Variants in RAD54L observed in about 807,000 individuals in gnomAD.
RAD54L encodes RAD54 like, also known as DNA repair and recombination protein RAD54-like.
RAD54L carries 74 observed loss-of-function variants against 91.6 expected under a neutral mutation model. The observed-to-expected ratio is 0.81, with a 90% CI of 0.67 to 0.98. RAD54L has a LOEUF of 0.98. Ranked by LOEUF, RAD54L falls within the 50% of genes least tolerant of loss-of-function variation. RAD54L has a pLI of 0.00. For missense variants in RAD54L, 887 were observed against 945.7 expected (o/e 0.94, Z 0.81); for synonymous variants, 304 against 349.7 (o/e 0.87, Z 1.46).
intron 4 of RAD54L, among the ~76,000 whole-genome samples, chr1:46,259,324 G>T (rs1271803671): frequency 6.6e-6 from 1 of 152,162 alleles, no homozygotes; most frequent in Non-Finnish European, 1.5e-5. Flanking sequence ...GCTGTGGCCA[G>T]CTCTCAGGAG....
chr1:46,273,882 A>G (rs1279566924), intron 14 of RAD54L, 135 bp downstream of exon 14: 7 of 1,316,192 alleles, frequency 5.3e-6, no homozygotes, highest in South Asian at 1.3e-5. Flanking sequence ...CCTTATTGCT[A>G]TGATGGCCTC....
rs111561576 is a variant in RAD54L at position 46,257,099 on chromosome 1, G to A, written c.211-1587G>A. Among the ~76,000 whole-genome samples, 1,026 of 143,454 alleles carry A rather than the reference G, an allele frequency of 7.2e-3. 17 individuals are homozygous for A. Among genetic ancestry groups the A allele is most frequent in the Middle Eastern group, 0.037 (10 of 270 alleles). 94.1% of individuals were successfully genotyped at this position (143,454 alleles called of 152,430 possible). A position where few individuals can be genotyped will look rare whatever the true frequency, so the allele number is the denominator to read the frequency against. The stretch of plus-strand genomic sequence containing the variant: ...GTGGAGGTTGCAGTGAGCTGAGATT[G>A]TGCCATTGCACTCCAGCCTGGGCAA... On this transcript the variant is annotated intron_variant, in intron 3 of 17. Coordinates refer to ENST00000371975, the MANE Select transcript of RAD54L (RefSeq NM_003579.4).
At chr1:46,268,566 C>T (rs1237317724) in intron 9 of RAD54L, among the ~76,000 whole-genome samples, 1 of 152,224 alleles carries the variant, frequency 6.6e-6, no homozygotes, top group Non-Finnish European at 1.5e-5. Flanking sequence ...GTCCCGGCAG[C>T]AAACTCCTTC....
intron 3 of RAD54L, among the ~76,000 whole-genome samples, chr1:46,256,270 G>C (rs575297246): frequency 1.3e-5 from 2 of 151,858 alleles, no homozygotes; most frequent in African/African-American, 4.8e-5. Flanking sequence ...TGTGTGGGGG[G>C]GTCTCACTAC....
intron 10 of RAD54L, among the ~76,000 whole-genome samples, chr1:46,271,879 A>G (rs529032987): frequency 3.3e-5 from 5 of 152,204 alleles, no homozygotes; most frequent in Admixed American, 1.3e-4. Context: ...TCCTGTATCA[A>G]TGGGAAGCCT....
chr1:46,277,610 T>A (rs1660650522), intron 16 of RAD54L: 1 of 624,466 alleles, frequency 1.6e-6, no homozygotes, highest in South Asian at 1.9e-5. Flanking sequence ...GTAGCCTGGG[T>A]GGGCAGACTA....
intron 9 of RAD54L, among the ~76,000 whole-genome samples, chr1:46,268,561 G>A (rs919671637): frequency 2.0e-5 from 3 of 151,940 alleles, no homozygotes; most frequent in South Asian, 4.2e-4. Flanking sequence ...CTTTTGTCCC[G>A]GCAGCAAACT....
At position 46,260,623 on chromosome 1, in the gene RAD54L, T is replaced by C. The variant is rs1660084068; in HGVS notation, c.477+12T>C. 6.2e-7 allele frequency: 1 copy of C among 1,613,426 alleles called. No individual in the cohort carries two copies. Among genetic ancestry groups the C allele is most frequent in the African/African-American group, 1.3e-5 (1 of 74,750 alleles). On this transcript the variant is annotated intron_variant, in intron 6 of 17. Coordinates refer to ENST00000371975, the MANE Select transcript of RAD54L (RefSeq NM_003579.4). ...CTCATCAGAGAGAGGTAAATGAGGG[T>C]GAGGGGAACGAGGTATGGGCTATGG...
intron 15 of RAD54L, 138 bp downstream of exon 15, chr1:46,274,354 G>GTGA (rs1196656819): frequency 3.9e-6 from 5 of 1,271,012 alleles, no homozygotes; most frequent in Non-Finnish European, 5.7e-6. Context: ...TGTCTGGTTG[G>GTGA]TGATGGCTGG....
chr1:46,248,271 T>C lies in RAD54L; in HGVS notation c.-135T>C. 8.6e-7 allele frequency: 1 copy of C among 1,162,204 alleles called. No homozygotes were observed. The highest frequency in any genetic ancestry group is 1.3e-6 in the Non-Finnish European group (1 of 789,276). The allele number at this position is 1,162,204 out of a possible 1,614,324, so 72.0% of individuals were successfully genotyped here. ...ATGGATTCCCGCCATCCATGCCCCC[T>C]CTTTAATTAGCCGGTCCTCTCAATA... is the stretch of plus-strand genomic sequence containing the variant. On this transcript the variant is annotated 5_prime_UTR_variant, in exon 1 of 18. Transcript: ENST00000371975.
chr1:46,276,402 C>T (rs142574023), intron 16 of RAD54L, among the ~76,000 whole-genome samples: 4 of 152,148 alleles, frequency 2.6e-5, no homozygotes, highest in South Asian at 2.1e-4. Flanking sequence ...TGGACTCAAG[C>T]GATCCACCTT....
chr1:46,261,204 G>GTTTTTTTTT, intron 7 of RAD54L, 57 bp from the exon 8 acceptor site: 1 of 1,340,988 alleles, frequency 7.5e-7, no homozygotes. Flanking sequence ...TGTTTTTTTT[G>GTTTTTTTTT]TTTTTTTTTT....
intron 11 of RAD54L, 61 bp from the exon 12 acceptor site, chr1:46,272,611 G>A (rs2148300320): frequency 6.2e-7 from 1 of 1,611,558 alleles, no homozygotes. Flanking sequence ...GGCTCTCAAG[G>A]TGTTCTCAGA....
chr1:46,248,335 C>T lies in RAD54L; in HGVS notation c.-71C>T, dbSNP rs1486852463. The T allele has an allele frequency of 1.3e-6, 2 of 1,592,758 alleles. No homozygotes were observed. Among genetic ancestry groups the T allele is most frequent in the Non-Finnish European group, 1.7e-6 (2 of 1,163,706 alleles). ...CTCTACAGATTAGACCCTGGTCCTA[C>T]ACTCTTAGCCGCTGCCTGCTTTTGA... is the stretch of plus-strand genomic sequence containing the variant. On this transcript the variant is annotated 5_prime_UTR_variant, in exon 1 of 18. Coordinates refer to ENST00000371975, the MANE Select transcript of RAD54L (RefSeq NM_003579.4).
At chr1:46,267,783 T>A (rs1326744768) in intron 9 of RAD54L, 174 bp downstream of exon 9, 4 of 887,432 alleles carry the variant, frequency 4.5e-6, no homozygotes, top group Non-Finnish European at 7.1e-6. Context: ...AGGCCTTGGA[T>A]CTGCTGAGCA....
chr1:46,249,268 A>C (rs1389757281), intron 2 of RAD54L, among the ~76,000 whole-genome samples: 1 of 152,180 alleles, frequency 6.6e-6, no homozygotes, highest in African/African-American at 2.4e-5. Flanking sequence ...CAGTGTGTGA[A>C]TAAGGTGTGG....
chr1:46,250,161 G>T, intron 3 of RAD54L, 42 bp downstream of exon 3: 1 of 1,612,910 alleles, frequency 6.2e-7, no homozygotes, highest in Non-Finnish European at 8.5e-7. Context: ...TCTGTGCCCA[G>T]TCACTCAGCC....
intron 16 of RAD54L, among the ~76,000 whole-genome samples, chr1:46,276,332 TTTC>T: frequency 6.6e-6 from 1 of 152,252 alleles, no homozygotes; most frequent in Non-Finnish European, 1.5e-5. Flanking sequence ...GATAACTTTT[TTTC>T]TTTATTTTTT....
chr1:46,251,214 A>G (rs771111648), intron 3 of RAD54L, among the ~76,000 whole-genome samples: 3 of 152,016 alleles, frequency 2.0e-5, no homozygotes, highest in East Asian at 3.9e-4. Context: ...TGGGAGGCTG[A>G]GGCAGGAGAA....
Sources: allele counts gnomAD v4.1 joint callset (sites outside exome capture counted in the v4.1 genomes callset), GRCh38; gene constraint gnomAD v4.1.1; transcripts MANE v1.5; gene names NCBI Gene and HGNC (gene_info 2026-07-23, HGNC 2026-07-21).